Variants in SNRNP40 observed in about 807,000 individuals in gnomAD.
SNRNP40 encodes the protein U5 small nuclear ribonucleoprotein 40 kDa protein.
Under a neutral mutation model 45.8 loss-of-function variants are expected in SNRNP40, and 21 were observed. The ratio of observed to expected loss-of-function variants is 0.46; its 90% CI spans 0.32 to 0.66. The LOEUF (loss-of-function observed/expected upper bound fraction) is 0.66. Ranked by LOEUF, SNRNP40 falls within the 30% of genes least tolerant of loss-of-function variation. The pLI is 0.03. For missense variants in SNRNP40, 344 were observed against 439.1 expected, an observed-to-expected ratio of 0.78 and a Z score of 1.94; for synonymous variants, 142 against 163.8, an observed-to-expected ratio of 0.87 and a Z score of 1.01.
At chr1:31,264,482 C>T (rs1645882712) in intron 8 of SNRNP40, among the ~76,000 whole-genome samples, 1 of 152,126 alleles carries the variant, frequency 6.6e-6, no homozygotes, top group Non-Finnish European at 1.5e-5. Context: ...GTAAGCTTAG[C>T]TCAGAGAAGT....
chr1:31,293,330 A>G lies in SNRNP40; in HGVS notation c.160T>C (p.Ser54Pro). Residue 54 changes from serine to proline, a missense_variant, in exon 2 of 10, where the codon TCC (serine) becomes CCC (proline). Physicochemically the swap from Ser to Pro is moderately conservative, Grantham distance 74. Coordinates refer to ENST00000263694, the MANE Select transcript of SNRNP40 (RefSeq NM_004814.3). ...LLQAGPPRCS[S>P]LQAPIMLLSG... ...AGCAGCATGATTGGGGCTTGAAGGG[A>G]GGAACATCTTGGAGGTCCCTAAACA... 1.2e-6 allele frequency: 2 copies of G among 1,611,060 alleles called. No homozygotes were observed. Among genetic ancestry groups the G allele is most frequent in the Non-Finnish European group, 1.7e-6 (2 of 1,179,160 alleles).
chr1:31,284,925 G>C (rs1041881866), intron 4 of SNRNP40, among the ~76,000 whole-genome samples: 1 of 152,158 alleles, frequency 6.6e-6, no homozygotes, highest in Non-Finnish European at 1.5e-5. Context: ...TGTGGTTACA[G>C]AATCAAGTCC....
At chr1:31,264,412 A>G (rs187406350) in intron 8 of SNRNP40, among the ~76,000 whole-genome samples, 135 of 152,326 alleles carry the variant, frequency 8.9e-4, no homozygotes, top group African/African-American at 3.2e-3. Context: ...GTGAAAGAGT[A>G]TGAGCTCTGG....
At chr1:31,284,140 T>A (rs1386557355) in intron 4 of SNRNP40, among the ~76,000 whole-genome samples, 1 of 152,246 alleles carries the variant, frequency 6.6e-6, no homozygotes, top group African/African-American at 2.4e-5. Flanking sequence ...GGAGGATCGC[T>A]TGGGCCAGAG....
intron 5 of SNRNP40, among the ~76,000 whole-genome samples, chr1:31,272,075 G>A (rs1437824177): frequency 6.6e-6 from 1 of 151,746 alleles, no homozygotes; most frequent in African/African-American, 2.4e-5. Flanking sequence ...TCATAGCAAA[G>A]AAAAACTATT....
intron 5 of SNRNP40, among the ~76,000 whole-genome samples, chr1:31,275,275 T>A (rs1409565988): frequency 6.6e-6 from 1 of 152,196 alleles, no homozygotes. Context: ...TGAGTCTTTC[T>A]GATTGAAAAG....
chr1:31,296,340 C>T (rs528190042), intron 1 of SNRNP40, among the ~76,000 whole-genome samples: 2 of 152,128 alleles, frequency 1.3e-5, no homozygotes, highest in Non-Finnish European at 1.5e-5. Context: ...TGCTTAAACC[C>T]GGGTCAGGGT....
At chr1:31,263,752 C>A in intron 8 of SNRNP40, 1 of 320,906 alleles carries the variant, frequency 3.1e-6, no homozygotes, top group South Asian at 2.6e-5. Flanking sequence ...AGGTTTCCTG[C>A]CATGGAGCAG....
At chr1:31,281,336 T>C (rs1264545861) in intron 5 of SNRNP40, 38 bp downstream of exon 5, 14 of 1,527,294 alleles carry the variant, frequency 9.2e-6, no homozygotes, top group South Asian at 2.5e-5. Flanking sequence ...TAAGTGCAGA[T>C]AGATGAAATG....
chr1:31,278,359 A>C (rs1645990829), intron 5 of SNRNP40, among the ~76,000 whole-genome samples: 1 of 152,170 alleles, frequency 6.6e-6, no homozygotes, highest in South Asian at 2.1e-4. Flanking sequence ...AGTGGAGACG[A>C]GGGCATCAAT....
At chr1:31,281,856 T>A (rs1261425916) in intron 4 of SNRNP40, 1 of 161,782 alleles carries the variant, frequency 6.2e-6, no homozygotes, top group Non-Finnish European at 1.4e-5. Context: ...ACTAATTCAT[T>A]AGTAGGCTGC....
At position 31,269,147 on chromosome 1, in the gene SNRNP40, G is replaced by C; in HGVS notation, c.858+11C>G. 1 of 1,587,002 alleles carries C rather than the reference G, an allele frequency of 6.3e-7. No individual in the cohort carries two copies. Among genetic ancestry groups the C allele is most frequent in the Non-Finnish European group, 8.6e-7 (1 of 1,168,204 alleles). On this transcript the variant is annotated intron_variant, in intron 7 of 9. Coordinates refer to ENST00000263694, the MANE Select transcript of SNRNP40 (RefSeq NM_004814.3). The stretch of plus-strand genomic sequence containing the variant: ...ATGAACAGTAAAACTCCTCTGCCAT[G>C]CAGAACTCACCTTTTCAAAGTTGTG...
rs780510740 is a variant in SNRNP40, at chr1:31,291,991, T to C, written c.287A>G (p.Tyr96Cys). 44 of 1,609,982 alleles carry C rather than the reference T, an allele frequency of 2.7e-5. No individual in the cohort carries two copies. Among genetic ancestry groups the C allele is most frequent in the Admixed American group, 2.5e-4 (15 of 60,000 alleles). Reference protein sequence around the residue: ...FDRLILLWNVYGDCDNYATLK... With the variant: ...FDRLILLWNVCGDCDNYATLK... Reference sequence around the variant, plus strand: ...TGTGGCATAGTTATCACAGTCACCATAGACATTCCACAGTACTGTTAGGGA... The same window carrying C: ...TGTGGCATAGTTATCACAGTCACCACAGACATTCCACAGTACTGTTAGGGA... The change falls in exon 3 of 10, where the codon TAT (tyrosine) becomes TGT (cysteine). Residue 96 changes from tyrosine to cysteine, a missense_variant. Tyr to Cys is a radical substitution (Grantham distance 194). This residue lies in a region of SNRNP40 where 254 missense variants were observed against 380.2 expected (regional missense o/e 0.67). Coordinates refer to ENST00000263694, the MANE Select transcript of SNRNP40 (RefSeq NM_004814.3).
chr1:31,281,994 T>C (rs1481154489), intron 4 of SNRNP40: 1 of 152,566 alleles, frequency 6.6e-6, no homozygotes, highest in Admixed American at 6.5e-5. Flanking sequence ...GTTGGAACTC[T>C]CAAAACTAAT....
intron 4 of SNRNP40, among the ~76,000 whole-genome samples, chr1:31,282,644 GTATCTATGTGTC>G (rs1326952193): frequency 6.7e-6 from 1 of 150,312 alleles, no homozygotes; most frequent in African/African-American, 2.5e-5. Context: ...ATCTATCTAT[GTATCTATGTGTC>G]TATCTATCTA....
chr1:31,268,290 T>G (rs1347492232), intron 7 of SNRNP40, among the ~76,000 whole-genome samples: 1 of 100,012 alleles, frequency 1.0e-5, no homozygotes, highest in South Asian at 2.6e-4. Flanking sequence ...TTTTGGGTTT[T>G]TTTTTTTTTT....
At chr1:31,294,801 G>C (rs1646130222) in intron 1 of SNRNP40, among the ~76,000 whole-genome samples, 1 of 151,848 alleles carries the variant, frequency 6.6e-6, no homozygotes, top group African/African-American at 2.4e-5. Flanking sequence ...AATTAGCCAG[G>C]CATGGTGGCG....
intron 9 of SNRNP40, chr1:31,261,149 T>C (rs1450565136): frequency 2.1e-6 from 1 of 476,840 alleles, no homozygotes. Context: ...GTGACCACCC[T>C]GACCAATGCG....
intron 1 of SNRNP40, 129 bp downstream of exon 1, chr1:31,296,482 G>A: frequency 3.9e-6 from 5 of 1,266,848 alleles, no homozygotes; most frequent in Non-Finnish European, 4.4e-6. Context: ...GTGTTTATGT[G>A]CTTTAACTCT....
Sources: gnomAD v4.1 joint callset for allele counts (sites outside exome capture counted in the v4.1 genomes callset) on GRCh38, gnomAD v4.1.1 for gene constraint, gnomAD v4.1.1 regional missense constraint, MANE v1.5 for transcripts, NCBI Gene and HGNC (gene_info 2026-07-23, HGNC 2026-07-21) for gene names.